TIAM1: variants seen among roughly 807,000 people sequenced by gnomAD.
TIAM1 encodes rho guanine nucleotide exchange factor TIAM1.
Under a neutral mutation model 163.5 loss-of-function variants are expected in TIAM1, and 65 were observed. That is an observed-to-expected ratio of 0.40 (90% CI 0.33 to 0.49). The LOEUF is 0.49. TIAM1 is among the 20% of genes least tolerant of loss of function. The probability of loss-of-function intolerance (pLI) is 0.77; values close to 1 mark genes in which losing one functional copy is unlikely to be tolerated. For missense variants in TIAM1, 1,789 were observed against 2,044.7 expected, an observed-to-expected ratio of 0.87 and a Z score of 2.41; for synonymous variants, 833 against 810.1, an observed-to-expected ratio of 1.03 and a Z score of -0.48.
chr21:31,470,001 A>ATT (rs540154867), intron 1 of TIAM1, among the ~76,000 whole-genome samples: 49 of 136,788 alleles, frequency 3.6e-4, no homozygotes, highest in Middle Eastern at 3.7e-3. Context: ...AAAACCTTGA[A>ATT]TTTTTTTTTT....
chr21:31,489,821 C>A lies in TIAM1; in HGVS notation c.-421-25786G>T, dbSNP rs371276173. On this transcript the variant is annotated intron_variant, in intron 1 of 28. Coordinates refer to the TIAM1 transcript ENST00000286827. ...GTCAAATCCCCCTCCCCTCCCCATCCCACTTCATCTGGCTGTTCATGCCCA... is the reference window on the plus strand; with the variant it reads ...GTCAAATCCCCCTCCCCTCCCCATCACACTTCATCTGGCTGTTCATGCCCA... Among the ~76,000 whole-genome samples the A allele has an allele frequency of 6.6e-5, 10 of 152,310 alleles. No individual in the cohort carries two copies. The East Asian group carries it at 1.2e-3, about 18-fold the overall frequency.
chr21:31,486,964 T>C, intron 1 of TIAM1, among the ~76,000 whole-genome samples: 1 of 152,152 alleles, frequency 6.6e-6, no homozygotes, highest in Non-Finnish European at 1.5e-5. Context: ...TAGCTAAGAC[T>C]TGGTGACACA....
chr21:31,120,720 G>A lies in TIAM1; in HGVS notation c.4424C>T (p.Pro1475Leu). 1 of 1,614,044 alleles carries A rather than the reference G, an allele frequency of 6.2e-7. No homozygotes were observed. The highest frequency in any genetic ancestry group is 8.5e-7 in the Non-Finnish European group (1 of 1,180,008). The part of the protein sequence containing the change: ...SSPEKESQQP[P>L]GGGDTDRWVE... ...CCATCGGTCAGTGTCCCCACCACCGGGGGGCTGCTGGGACTCTTTCTCCGG... is the reference window on the plus strand; with the variant it reads ...CCATCGGTCAGTGTCCCCACCACCGAGGGGCTGCTGGGACTCTTTCTCCGG... The change falls in exon 28 of 28, where the codon CCC becomes CTC. Residue 1475 changes from proline to leucine, a missense_variant. Pro to Leu is a moderately conservative substitution (Grantham distance 98). Around this residue, in one of 5 missense-constraint regions of TIAM1, gnomAD observed 415 missense variants for 439.2 expected, o/e 0.94. Coordinates refer to ENST00000541036, the MANE Select transcript of TIAM1 (RefSeq NM_001353694.2). This position sits in a 1 kb window ranked among gnomAD's most constrained non-coding sequence, Gnocchi z 4.2.
rs757222037 is a variant in TIAM1, at chr21:31,365,242, C to T, written c.-368-25820G>A. On this transcript the variant is annotated intron_variant, in intron 2 of 28. Transcript: ENST00000286827. Reference sequence around the variant, plus strand: ...GATCCTGGGAAGAGATCTAACACAACGCACATTTTCTATTCTGTGCTCTGT... The same window carrying T: ...GATCCTGGGAAGAGATCTAACACAATGCACATTTTCTATTCTGTGCTCTGT... Among the ~76,000 whole-genome samples, 11 of 152,266 alleles carry T rather than the reference C, an allele frequency of 7.2e-5. No homozygotes were observed. In the South Asian group the frequency reaches 1.0e-3, roughly 14 times the overall value.
At chr21:31,551,096 C>A (rs1419154969) in intron 1 of TIAM1, among the ~76,000 whole-genome samples, 1 of 152,138 alleles carries the variant, frequency 6.6e-6, no homozygotes, top group Non-Finnish European at 1.5e-5. Flanking sequence ...TGCCTGTAAT[C>A]CCAGCCACTT....
chr21:31,268,985 TA>T (rs2072924912), intron 3 of TIAM1, among the ~76,000 whole-genome samples: 1 of 152,184 alleles, frequency 6.6e-6, no homozygotes, highest in African/African-American at 2.4e-5. Context: ...CACATAGGTT[TA>T]AATTTAAAAG....
At chr21:31,558,149 G>C (rs1480577947) in intron 1 of TIAM1, among the ~76,000 whole-genome samples, 1 of 147,766 alleles carries the variant, frequency 6.8e-6, no homozygotes, top group Non-Finnish European at 1.5e-5. Context: ...CGGGCCCCAC[G>C]CGGGTCCCCA....
At chr21:31,534,764 A>G (rs868672257) in intron 1 of TIAM1, among the ~76,000 whole-genome samples, 1 of 152,188 alleles carries the variant, frequency 6.6e-6, no homozygotes, top group African/African-American at 2.4e-5. Flanking sequence ...GACTGCCCCC[A>G]AAATCCTAAA....
chr21:31,390,058 T>C lies in TIAM1; in HGVS notation c.-368-50636A>G, dbSNP rs545667249. ...AAAAAATCTATTAAGAGGAATTTTT[T>C]AGAAAGCACAAAGACTTTCTTAAGC... On this transcript the variant is annotated intron_variant, in intron 2 of 28. Coordinates refer to the TIAM1 transcript ENST00000286827. Among the ~76,000 whole-genome samples, 6 of 152,344 alleles carry C rather than the reference T, an allele frequency of 3.9e-5. No homozygotes were observed. The South Asian group carries it at 1.0e-3, about 26-fold the overall frequency.
intron 2 of TIAM1, among the ~76,000 whole-genome samples, chr21:31,409,618 C>T (rs1428373184): frequency 6.6e-6 from 1 of 152,196 alleles, no homozygotes; most frequent in Non-Finnish European, 1.5e-5. Flanking sequence ...CTCTCAAAGC[C>T]CCATTCAGAC....
At chr21:31,259,284 C>T (rs1346320698) in intron 4 of TIAM1, among the ~76,000 whole-genome samples, 1 of 151,974 alleles carries the variant, frequency 6.6e-6, no homozygotes, top group Non-Finnish European at 1.5e-5. Context: ...TACAGGCACA[C>T]ACCACCACAC....
chr21:31,475,078 G>A (rs1230496716), intron 1 of TIAM1, among the ~76,000 whole-genome samples: 2 of 132,580 alleles, frequency 1.5e-5, no homozygotes, highest in African/African-American at 2.8e-5. Flanking sequence ...TTTAGACAAG[G>A]TCTTACTCTG....
chr21:31,387,227 G>A (rs1219129087), intron 2 of TIAM1, among the ~76,000 whole-genome samples: 1 of 128,696 alleles, frequency 7.8e-6, no homozygotes, highest in African/African-American at 3.0e-5. Context: ...TTTTGGAGGT[G>A]GGGGGCACAG....
At chr21:31,387,908 C>A (rs1362684172) in intron 2 of TIAM1, among the ~76,000 whole-genome samples, 1 of 152,122 alleles carries the variant, frequency 6.6e-6, no homozygotes, top group Non-Finnish European at 1.5e-5. Flanking sequence ...CTGGTTCCTG[C>A]TGCAAGCACG....
intron 2 of TIAM1, among the ~76,000 whole-genome samples, chr21:31,456,678 T>C (rs1212002679): frequency 6.6e-6 from 1 of 152,202 alleles, no homozygotes; most frequent in Non-Finnish European, 1.5e-5. Context: ...CGATATAGCT[T>C]CAACTATTCA....
chr21:31,391,351 G>C (rs988106508), intron 2 of TIAM1, among the ~76,000 whole-genome samples: 1 of 152,092 alleles, frequency 6.6e-6, no homozygotes, highest in Admixed American at 6.6e-5. Flanking sequence ...TAGGCCGGGC[G>C]CAATGGCTCA....
chr21:31,182,734 T>C (rs2146442170), intron 14 of TIAM1, 89 bp from the exon 15 acceptor site: 1 of 1,350,546 alleles, frequency 7.4e-7, no homozygotes, highest in Non-Finnish European at 1.0e-6. Flanking sequence ...GCACACCTGC[T>C]GTGGGTCTCA....
At chr21:31,513,874 G>A (rs1361558841) in intron 1 of TIAM1, among the ~76,000 whole-genome samples, 1 of 152,050 alleles carries the variant, frequency 6.6e-6, no homozygotes, top group Non-Finnish European at 1.5e-5. Flanking sequence ...GGGCATGGTG[G>A]CATATGCCTG....
intron 1 of TIAM1, among the ~76,000 whole-genome samples, chr21:31,490,232 CCTCT>C (rs1406684628): frequency 6.6e-6 from 1 of 151,992 alleles, no homozygotes; most frequent in Non-Finnish European, 1.5e-5. Flanking sequence ...ACTGTGAGGC[CCTCT>C]CTAATTCTAC....
Sources: gnomAD v4.1 joint callset for allele counts (sites outside exome capture counted in the v4.1 genomes callset) on GRCh38, gnomAD v4.1.1 for gene constraint, gnomAD v4.1.1 regional missense constraint, Gnocchi (gnomAD v3.1) non-coding constraint, MANE v1.5 for transcripts, NCBI Gene and HGNC (gene_info 2026-07-23, HGNC 2026-07-21) for gene names.